Variants in ASIC2 observed in about 807,000 individuals in gnomAD.
ASIC2 encodes acid-sensing ion channel 2.
ASIC2 carries 25 observed loss-of-function variants against 57.3 expected under a neutral mutation model. The observed-to-expected ratio is 0.44, with a 90% CI of 0.32 to 0.61. ASIC2 has a LOEUF of 0.61. ASIC2 is among the 20% of genes least tolerant of loss of function. The pLI is 0.06. For missense variants in ASIC2, 641 were observed against 738.1 expected (o/e 0.87, Z 1.52); for synonymous variants, 319 against 307.5 (o/e 1.04, Z -0.39).
chr17:33,290,001 A>G (rs1265125398), intron 1 of ASIC2, among the ~76,000 whole-genome samples: 1 of 152,214 alleles, frequency 6.6e-6, no homozygotes, highest in Non-Finnish European at 1.5e-5. Context: ...AATCACTTAG[A>G]AGCATATGTT....
chr17:33,063,896 T>G (rs188525400), intron 3 of ASIC2, among the ~76,000 whole-genome samples: 7 of 152,362 alleles, frequency 4.6e-5, no homozygotes, highest in Admixed American at 1.3e-4. Flanking sequence ...TCTTCTCGCT[T>G]CATTTCATTC....
intron 3 of ASIC2, among the ~76,000 whole-genome samples, chr17:33,060,063 C>A (rs1021656561): frequency 8.6e-5 from 13 of 152,036 alleles, no homozygotes; most frequent in African/African-American, 3.1e-4. Flanking sequence ...GGATATTAGC[C>A]TTTTGTCAGA....
At chr17:33,164,910 C>T (rs541052649) in intron 1 of ASIC2, among the ~76,000 whole-genome samples, 71 of 152,236 alleles carry the variant, frequency 4.7e-4, no homozygotes, top group African/African-American at 1.6e-3. Context: ...ACAATCTGGG[C>T]CCCACTCTCT....
chr17:33,174,385 C>T (rs544974199), intron 1 of ASIC2, among the ~76,000 whole-genome samples: 5 of 149,990 alleles, frequency 3.3e-5, no homozygotes, highest in East Asian at 2.0e-4. Context: ...CACACCCCTG[C>T]ACTCCAGCCT....
intron 1 of ASIC2, among the ~76,000 whole-genome samples, chr17:34,025,053 A>T (rs974494035): frequency 6.6e-6 from 1 of 152,206 alleles, no homozygotes; most frequent in African/African-American, 2.4e-5. Flanking sequence ...TCACTACAGA[A>T]GTCCCTGTGA....
chr17:33,528,167 G>GGGGTGTGTGTGT (rs71362891), intron 1 of ASIC2, among the ~76,000 whole-genome samples: 2 of 143,508 alleles, frequency 1.4e-5, no homozygotes, highest in South Asian at 2.3e-4. Context: ...GTATGTGGTA[G>GGGGTGTGTGTGT]GTGTGTGTGT....
At chr17:33,070,181 G>T (rs185333073) in intron 3 of ASIC2, among the ~76,000 whole-genome samples, 60 of 152,070 alleles carry the variant, frequency 3.9e-4, no homozygotes, top group African/African-American at 2.7e-4. Context: ...TTACGATATT[G>T]CTGTCATTTA....
rs1915360808 is a variant in ASIC2 at position 33,540,115 on chromosome 17, G to A, written c.556-428048C>T. Among the ~76,000 whole-genome samples the A allele has an allele frequency of 1.3e-5, 2 of 152,086 alleles. 1 individual carries two copies. The highest frequency in any genetic ancestry group is 4.1e-4 in the South Asian group (2 of 4,824). ...CCAATATCGAGGTGTCGGTAGAGTT[G>A]GTTTTTCTGCAGCCTCTGAGGGAGC... On this transcript the variant is annotated intron_variant, in intron 1 of 9. Transcript: ENST00000359872.
At chr17:34,154,755 A>G (rs1264221715) in intron 1 of ASIC2, among the ~76,000 whole-genome samples, 3 of 152,212 alleles carry the variant, frequency 2.0e-5, no homozygotes, top group Admixed American at 1.3e-4. Context: ...TATACCTGCT[A>G]TTCCCAACTT....
chr17:33,232,485 G>GTATGGTATGGTATGA (rs1908141252), intron 1 of ASIC2, among the ~76,000 whole-genome samples: 1 of 150,582 alleles, frequency 6.6e-6, no homozygotes, highest in African/African-American at 2.5e-5. Flanking sequence ...GTATGGTATG[G>GTATGGTATGGTATGA]TATGGTATGG....
intron 3 of ASIC2, among the ~76,000 whole-genome samples, chr17:33,071,548 A>G (rs2092069110): frequency 6.6e-6 from 1 of 152,104 alleles, no homozygotes; most frequent in Admixed American, 6.5e-5. Flanking sequence ...ATTTTAATTG[A>G]TTAATTATTC....
At chr17:33,566,461 G>C (rs1199260856) in intron 1 of ASIC2, among the ~76,000 whole-genome samples, 4 of 152,150 alleles carry the variant, frequency 2.6e-5, no homozygotes, top group African/African-American at 9.7e-5. Context: ...TGTGGCTGCT[G>C]TTAATAGAAA....
At chr17:33,733,217 A>G (rs1909801841) in intron 1 of ASIC2, among the ~76,000 whole-genome samples, 1 of 152,234 alleles carries the variant, frequency 6.6e-6, no homozygotes, top group Non-Finnish European at 1.5e-5. Context: ...AGAGAGACGG[A>G]TGCTCCAGAG....
intron 1 of ASIC2, among the ~76,000 whole-genome samples, chr17:33,213,280 C>T (rs1907348017): frequency 6.6e-6 from 1 of 152,142 alleles, no homozygotes; most frequent in African/African-American, 2.4e-5. Context: ...GGAAAAAAAA[C>T]CTTGCTTGGA....
At chr17:33,918,572 A>G (rs1171501747) in intron 1 of ASIC2, among the ~76,000 whole-genome samples, 1 of 152,214 alleles carries the variant, frequency 6.6e-6, no homozygotes, top group Non-Finnish European at 1.5e-5. Flanking sequence ...GTTATGAATT[A>G]TCAACCACCA....
intron 1 of ASIC2, among the ~76,000 whole-genome samples, chr17:33,675,587 A>C (rs552651354): frequency 2.6e-5 from 4 of 152,098 alleles, no homozygotes; most frequent in African/African-American, 9.6e-5. Flanking sequence ...AATTAAAAAA[A>C]AATTGATACA....
At chr17:33,780,970 G>A (rs1014534959) in intron 1 of ASIC2, among the ~76,000 whole-genome samples, 25 of 152,196 alleles carry the variant, frequency 1.6e-4, no homozygotes, top group African/African-American at 5.5e-4. Context: ...TAATGTGTGT[G>A]AACAGCTTGG....
chr17:33,643,157 C>CCCCG (rs879402859), intron 1 of ASIC2, among the ~76,000 whole-genome samples: 4 of 146,308 alleles, frequency 2.7e-5, no homozygotes, highest in South Asian at 2.2e-4. Context: ...TCCCCCCCCC[C>CCCCG]ACATTTGAAC....
chr17:34,010,277 T>A (rs1050347103), intron 1 of ASIC2, among the ~76,000 whole-genome samples: 1 of 152,154 alleles, frequency 6.6e-6, no homozygotes, highest in Non-Finnish European at 1.5e-5. Flanking sequence ...GTTCAGACTG[T>A]GGAACAATTT....
Sources: allele counts gnomAD v4.1 joint callset (sites outside exome capture counted in the v4.1 genomes callset), GRCh38; gene constraint gnomAD v4.1.1; transcripts MANE v1.5; gene names NCBI Gene and HGNC (gene_info 2026-07-23, HGNC 2026-07-21).